Variants in NT5C1B observed in about 807,000 individuals in gnomAD.
NT5C1B encodes cytosolic 5'-nucleotidase 1B.
In NT5C1B, 44 loss-of-function variants were observed where a neutral mutation model predicts 57.8. The ratio of observed to expected loss-of-function variants is 0.76; its 90% confidence interval spans 0.60 to 0.98. The LOEUF (loss-of-function observed/expected upper bound fraction) is 0.98, where lower values mean the gene tolerates loss of function less well. NT5C1B is among the 50% of genes least tolerant of loss of function. The pLI is 0.00. For missense variants in NT5C1B, 742 were observed against 719.5 expected (o/e 1.03, Z -0.36); for synonymous variants, 284 against 282.6 (o/e 1.00, Z -0.05).
At chr2:18,569,464 TAGC>T (rs1664954171) in intron 8 of NT5C1B, among the ~76,000 whole-genome samples, 1 of 152,026 alleles carries the variant, frequency 6.6e-6, no homozygotes. Context: ...TTGTATAAAA[TAGC>T]AGCACCAACT....
chr2:18,586,633 C>G, intron 2 of NT5C1B: 1 of 637,212 alleles, frequency 1.6e-6, no homozygotes, highest in South Asian at 2.3e-5. Context: ...AACCAAGATG[C>G]AAACATATTT....
rs770947391 is a variant in NT5C1B, at chr2:18,584,104, G to A, written c.875C>T (p.Ala292Val). 2 of 1,614,040 alleles carry A rather than the reference G, an allele frequency of 1.2e-6. No individual in the cohort carries two copies. Among genetic ancestry groups the A allele is most frequent in the East Asian group, 2.2e-5 (1 of 44,886 alleles). ...GCAGAATACCTTGACGAAGCGGAAC[G>A]CCGGGCCCGGGGTCAGGATGACGTT... Residue 292 changes from alanine (A) to valine (V), a missense_variant, in exon 5 of 9, where the codon GCG becomes GTG. Physicochemically the swap from Ala to Val is moderately conservative, Grantham distance 64 (BLOSUM62 0). Transcript: ENST00000304081. The surrounding 1 kb of genome is among the most constrained non-coding windows in gnomAD (Gnocchi z 5.8).
intron 7 of NT5C1B, 66 bp from the exon 8 acceptor site, chr2:18,576,434 A>G: frequency 3.3e-6 from 5 of 1,525,782 alleles, no homozygotes; most frequent in Non-Finnish European, 4.4e-6. Flanking sequence ...CTACCATTAA[A>G]AAAAACAAAT....
At chr2:18,576,358 A>G in exon 8 of NT5C1B, 1 of 1,612,878 alleles carries the variant, frequency 6.2e-7, no homozygotes, top group Non-Finnish European at 8.5e-7. Context: ...ACATTGTCGC[A>G]GAGGCAATAC....
At chr2:18,582,017 CAATT>C (rs1386822927) in intron 6 of NT5C1B, among the ~76,000 whole-genome samples, 1 of 152,108 alleles carries the variant, frequency 6.6e-6, no homozygotes, top group Non-Finnish European at 1.5e-5. Flanking sequence ...CCTACTAAAT[CAATT>C]AAGGCTATGT....
chr2:18,575,828 T>C (rs1413344862), intron 8 of NT5C1B, among the ~76,000 whole-genome samples: 2 of 152,218 alleles, frequency 1.3e-5, no homozygotes, highest in Admixed American at 1.3e-4. Context: ...CTCTAATCTA[T>C]TGGAAATGAC....
intron 3 of NT5C1B, among the ~76,000 whole-genome samples, chr2:18,585,649 C>A (rs1410567231): frequency 6.6e-6 from 1 of 152,100 alleles, no homozygotes; most frequent in Admixed American, 6.5e-5. Flanking sequence ...CTAAGGTGAG[C>A]AAGAAGTTAT....
intron 6 of NT5C1B, among the ~76,000 whole-genome samples, chr2:18,582,276 A>G (rs1666249480): frequency 6.6e-6 from 1 of 152,230 alleles, no homozygotes; most frequent in Non-Finnish European, 1.5e-5. Context: ...AACTTCACAT[A>G]CCCATTTAGA....
intron 1 of NT5C1B, among the ~76,000 whole-genome samples, chr2:18,587,928 A>C (rs546342924): frequency 3.0e-4 from 46 of 152,070 alleles, no homozygotes; most frequent in African/African-American, 1.1e-3. Flanking sequence ...TTTTTTTTCT[A>C]TTACTCTGAA....
In NT5C1B at chr2:18,584,569, C is replaced by T. The variant is rs1666502458; in HGVS notation, c.668G>A (p.Trp223Ter). 6.2e-7 allele frequency: 1 copy of T among 1,612,814 alleles called. No homozygotes were observed. The change falls in exon 4 of 9, where the codon TGG (tryptophan) becomes TAG (stop). Residue 223 changes from tryptophan to a stop codon, truncating the protein, a stop_gained. Transcript: ENST00000304081. LOFTEE classifies it high-confidence loss of function. This position sits in a 1 kb window ranked among gnomAD's most constrained non-coding sequence, Gnocchi z 5.8. ...CTCGTAGAACGACCTCATGGATGCC[C>T]AGTAGGCAGCCTCGTAGTCGTCCTC...
chr2:18,576,099 A>G, intron 8 of NT5C1B, 85 bp downstream of exon 8: 3 of 1,367,924 alleles, frequency 2.2e-6, no homozygotes, highest in Admixed American at 3.1e-5. Context: ...TAACTTAAAC[A>G]TTCATCAGAA....
chr2:18,589,335 G>T, intron 1 of NT5C1B, 104 bp downstream of exon 1: 2 of 1,489,760 alleles, frequency 1.3e-6, no homozygotes, highest in Non-Finnish European at 1.9e-6. Flanking sequence ...GCCATTATCT[G>T]AAATTATTTG....
chr2:18,585,724 A>G (rs757096443), intron 3 of NT5C1B, among the ~76,000 whole-genome samples: 4 of 152,210 alleles, frequency 2.6e-5, no homozygotes, highest in Non-Finnish European at 5.9e-5. Flanking sequence ...TTTTGTTTAG[A>G]TGATTGAGTC....
At chr2:18,587,101 A>G (rs1339527885) in intron 2 of NT5C1B, 1 of 1,614,010 alleles carries the variant, frequency 6.2e-7, no homozygotes, top group Admixed American at 1.7e-5. Context: ...GCACAAAGGC[A>G]GCGTCTACAC....
At chr2:18,581,336 A>G (rs1181790415) in intron 6 of NT5C1B, among the ~76,000 whole-genome samples, 1 of 152,210 alleles carries the variant, frequency 6.6e-6, no homozygotes, top group East Asian at 1.9e-4. Flanking sequence ...TTCTACAGAA[A>G]GGTCTCAGTT....
exon 8 of NT5C1B, chr2:18,576,235 G>C (rs3902946): frequency 0.24 from 380,022 of 1,612,936 alleles, 51,627 homozygotes; most frequent in African/African-American, 0.62. Flanking sequence ...AGAATTTGTC[G>C]AGCCCATGCT....
At chr2:18,569,846 C>G (rs1399107377) in intron 8 of NT5C1B, among the ~76,000 whole-genome samples, 1 of 151,932 alleles carries the variant, frequency 6.6e-6, no homozygotes, top group Non-Finnish European at 1.5e-5. Flanking sequence ...GCAATATGAC[C>G]TGAATTAATT....
exon 9 of NT5C1B, chr2:18,563,810 T>G: frequency 6.4e-7 from 1 of 1,556,072 alleles, no homozygotes; most frequent in Non-Finnish European, 8.7e-7. Flanking sequence ...CTACTGAATT[T>G]TTTATTAAAG....
chr2:18,583,799 T>A (rs748955882), intron 5 of NT5C1B: 22 of 596,748 alleles, frequency 3.7e-5, no homozygotes, highest in Non-Finnish European at 7.1e-5. Context: ...CATTATGGCT[T>A]CTTAGCACTC....
Sources: gnomAD v4.1 joint callset for allele counts (sites outside exome capture counted in the v4.1 genomes callset) on GRCh38, gnomAD v4.1.1 for gene constraint, Gnocchi (gnomAD v3.1) non-coding constraint, MANE v1.5 for transcripts, NCBI Gene and HGNC (gene_info 2026-07-23, HGNC 2026-07-21) for gene names.